DLGAP1: variants seen among roughly 807,000 people sequenced by gnomAD.
DLGAP1 encodes the protein disks large-associated protein 1.
A neutral mutation model predicts 90.8 loss-of-function variants in DLGAP1; 11 were observed. The observed-to-expected ratio is 0.12, with a 90% CI of 0.08 to 0.20. DLGAP1 has a LOEUF of 0.20. Among genes scored for constraint, DLGAP1 ranks in the 10% least tolerant of loss-of-function variants. The pLI, the probability that DLGAP1 is intolerant of heterozygous loss-of-function variation, is 1.00. For synonymous variants in DLGAP1, 558 were observed against 540.7 expected (o/e 1.03, Z -0.44); for missense variants, 1,050 against 1,333.8 (o/e 0.79, Z 3.31).
intron 2 of DLGAP1, among the ~76,000 whole-genome samples, chr18:4,124,096 T>C (rs1015035625): frequency 2.0e-5 from 3 of 152,214 alleles, no homozygotes; most frequent in African/African-American, 7.2e-5. Flanking sequence ...CATAATTTGG[T>C]TGTTTTCTTC....
intron 10 of DLGAP1, among the ~76,000 whole-genome samples, chr18:3,511,029 C>T (rs1310121646): frequency 1.3e-5 from 2 of 152,204 alleles, no homozygotes; most frequent in Non-Finnish European, 2.9e-5. Flanking sequence ...TTCTCTTTCC[C>T]GGGCTTTTGC....
chr18:3,812,261 C>T (rs943069376), intron 5 of DLGAP1, among the ~76,000 whole-genome samples: 1 of 152,098 alleles, frequency 6.6e-6, no homozygotes, highest in African/African-American at 2.4e-5. Context: ...TTTCATGTCA[C>T]CTTGGTCCAC....
chr18:4,127,104 G>C (rs1158186031), intron 2 of DLGAP1, among the ~76,000 whole-genome samples: 3 of 152,118 alleles, frequency 2.0e-5, no homozygotes, highest in African/African-American at 7.2e-5. Flanking sequence ...TATCATTTCA[G>C]AAGAGGAACT....
intron 2 of DLGAP1, among the ~76,000 whole-genome samples, chr18:4,126,268 A>T (rs1482964380): frequency 6.6e-6 from 1 of 152,216 alleles, no homozygotes; most frequent in Non-Finnish European, 1.5e-5. Flanking sequence ...CTCAGAGCTG[A>T]TTTTATATTG....
At chr18:4,115,160 G>A (rs2076040291) in intron 2 of DLGAP1, among the ~76,000 whole-genome samples, 1 of 151,960 alleles carries the variant, frequency 6.6e-6, no homozygotes, top group African/African-American at 2.4e-5. Context: ...TACCATGCAT[G>A]TCTTATCAAA....
intron 1 of DLGAP1, among the ~76,000 whole-genome samples, chr18:4,324,796 C>G (rs12458406): frequency 0.5 from 75,184 of 151,410 alleles, 19,515 homozygotes; most frequent in African/African-American, 0.66. Flanking sequence ...TGCAGAAAAG[C>G]CTTTTGATAA....
chr18:4,026,635 G>A (rs1366142373), intron 2 of DLGAP1, among the ~76,000 whole-genome samples: 1 of 152,152 alleles, frequency 6.6e-6, no homozygotes, highest in Non-Finnish European at 1.5e-5. Flanking sequence ...AAATCATCAG[G>A]AGATCACATC....
chr18:3,574,560 A>T, intron 8 of DLGAP1, among the ~76,000 whole-genome samples: 1 of 152,146 alleles, frequency 6.6e-6, no homozygotes, highest in East Asian at 1.9e-4. Flanking sequence ...AACATGACTG[A>T]TTATTTCTTC....
At position 3,951,991 on chromosome 18, in the gene DLGAP1, A is replaced by G. The variant is rs2072995514; in HGVS notation, c.-73+53125T>C. On this transcript the variant is annotated intron_variant, in intron 3 of 12. Transcript: ENST00000315677. The stretch of plus-strand genomic sequence containing the variant: ...AACCTATTAACTGAGTATCAGTTTT[A>G]CTGAAGATTTAGGTTATTAGAATTA... Among the ~76,000 whole-genome samples, 4 of 152,326 alleles carry G rather than the reference A, an allele frequency of 2.6e-5. No individual in the cohort carries two copies. The South Asian group carries it at 8.3e-4, about 32-fold the overall frequency.
At chr18:3,792,104 G>T (rs950353611) in intron 5 of DLGAP1, among the ~76,000 whole-genome samples, 53 of 152,294 alleles carry the variant, frequency 3.5e-4, no homozygotes, top group Admixed American at 3.5e-3. Flanking sequence ...CTATGCCCCA[G>T]CCCTGTAACC....
At chr18:3,904,862 A>C (rs1171876436) in intron 3 of DLGAP1, among the ~76,000 whole-genome samples, 1 of 152,148 alleles carries the variant, frequency 6.6e-6, no homozygotes, top group Non-Finnish European at 1.5e-5. Flanking sequence ...CTTGTACATA[A>C]AATATAAAAG....
intron 3 of DLGAP1, among the ~76,000 whole-genome samples, chr18:3,883,320 G>T (rs1393045089): frequency 6.6e-6 from 1 of 152,160 alleles, no homozygotes; most frequent in Non-Finnish European, 1.5e-5. Flanking sequence ...AAAGATTTTT[G>T]AGAGGCCAGG....
At chr18:3,820,838 A>C (rs2067368277) in intron 4 of DLGAP1, among the ~76,000 whole-genome samples, 1 of 152,224 alleles carries the variant, frequency 6.6e-6, no homozygotes, top group African/African-American at 2.4e-5. Flanking sequence ...GAGATTCAAA[A>C]AGGAGAGTTA....
At chr18:4,272,382 T>A (rs1003042902) in intron 1 of DLGAP1, among the ~76,000 whole-genome samples, 2 of 152,202 alleles carry the variant, frequency 1.3e-5, no homozygotes, top group African/African-American at 4.8e-5. Flanking sequence ...TTTTTAAGTA[T>A]GAAATATATA....
At chr18:4,325,953 C>T (rs1476985661) in intron 1 of DLGAP1, among the ~76,000 whole-genome samples, 1 of 151,986 alleles carries the variant, frequency 6.6e-6, no homozygotes, top group Non-Finnish European at 1.5e-5. Flanking sequence ...TAGAACTTGG[C>T]AAAGATTTCA....
chr18:4,357,275 T>G (rs1174293294), intron 1 of DLGAP1, among the ~76,000 whole-genome samples: 1 of 147,262 alleles, frequency 6.8e-6, no homozygotes, highest in Non-Finnish European at 1.5e-5. Context: ...TGTCTCAGCC[T>G]CCCAAGCAGC....
intron 1 of DLGAP1, among the ~76,000 whole-genome samples, chr18:4,341,640 C>T (rs2081190854): frequency 1.3e-5 from 2 of 152,120 alleles, no homozygotes; most frequent in African/African-American, 2.4e-5. Flanking sequence ...CTATCCCCAC[C>T]CTACACCTGT....
intron 2 of DLGAP1, among the ~76,000 whole-genome samples, chr18:4,106,563 T>G (rs1230196492): frequency 6.6e-6 from 1 of 152,210 alleles, no homozygotes; most frequent in East Asian, 1.9e-4. Context: ...CTAAAATAAA[T>G]GCATAAATGC....
At chr18:3,605,807 G>T (rs1447551862) in intron 7 of DLGAP1, among the ~76,000 whole-genome samples, 4 of 105,568 alleles carry the variant, frequency 3.8e-5, no homozygotes, top group African/African-American at 8.1e-5. Flanking sequence ...AGGTCACGGA[G>T]CTTTTTAGCG....
Sources: allele counts gnomAD v4.1 joint callset (sites outside exome capture counted in the v4.1 genomes callset), GRCh38; gene constraint gnomAD v4.1.1; transcripts MANE v1.5; gene names NCBI Gene and HGNC (gene_info 2026-07-23, HGNC 2026-07-21).